Variants in NRN1 observed in about 807,000 individuals in gnomAD.
The protein encoded by NRN1 is neuritin 1.
Under a neutral mutation model 15.0 loss-of-function variants are expected in NRN1, and 4 were observed. The observed-to-expected ratio is 0.27, with a 90% CI of 0.13 to 0.61. The LOEUF (loss-of-function observed/expected upper bound fraction) is 0.61. NRN1 is among the 20% of genes least tolerant of loss of function. The pLI, the probability that NRN1 is intolerant of heterozygous loss-of-function variation, is 0.87. For synonymous variants in NRN1, 85 were observed against 79.8 expected, an observed-to-expected ratio of 1.07 and a Z score of -0.35; for missense variants, 134 against 181.9, an observed-to-expected ratio of 0.74 and a Z score of 1.51.
intron 1 of NRN1, 140 bp downstream of exon 1, chr6:6,006,555 C>A (rs1758115020): frequency 2.7e-6 from 2 of 736,238 alleles, no homozygotes; most frequent in African/African-American, 3.5e-5. Context: ...TCCCCAGGAA[C>A]TGATGCCCCC....
chr6:6,005,134 T>C (rs986238708), intron 1 of NRN1, among the ~76,000 whole-genome samples: 1 of 152,114 alleles, frequency 6.6e-6, no homozygotes, highest in South Asian at 2.1e-4. Flanking sequence ...GTCTTTTTTT[T>C]CCCTCCAAAC....
intron 1 of NRN1, chr6:6,003,331 C>T: frequency 9.4e-7 from 1 of 1,060,668 alleles, no homozygotes; most frequent in Non-Finnish European, 1.2e-6. Context: ...CCTGGGTCAC[C>T]TCCGCAAAGG....
chr6:6,006,950 A>C, upstream of NRN1: 1 of 132,480 alleles, frequency 7.5e-6, no homozygotes, highest in East Asian at 2.7e-4. Context: ...AGAGAGAGAG[A>C]GAGAGAGGCT....
At chr6:6,005,909 G>A (rs1758098766) in intron 1 of NRN1, among the ~76,000 whole-genome samples, 1 of 152,002 alleles carries the variant, frequency 6.6e-6, no homozygotes, top group South Asian at 2.1e-4. Context: ...CATAAAATGG[G>A]GACTAAATAA....
At position 6,006,878 on chromosome 6, in the gene NRN1, G is replaced by A. The variant is rs1435961937; in HGVS notation, c.-129C>T. 2.9e-6 allele frequency: 2 copies of A among 693,786 alleles called. No homozygotes were observed. The highest frequency in any genetic ancestry group is 1.5e-5 in the South Asian group (1 of 65,412). 43.0% of individuals were successfully genotyped at this position (693,786 alleles called of 1,614,324 possible). ...CGACAGAGACTTTATGCACTGGGAA[G>A]GCAGAGGGAGGAGAGAAAGAGAGGG... On this transcript the variant is annotated 5_prime_UTR_variant, in exon 1 of 3. Transcript: ENST00000244766.
Position 6,006,631 on chromosome 6 carries a change from C to A in NRN1, c.55+64G>T. ...CCGCGGACCCGCTAGTCCCCCTCCG[C>A]GCCTCGGGCCGGGGCAGGCTGCCTC... On this transcript the variant is annotated intron_variant, in intron 1 of 2. Transcript: ENST00000244766. The A allele has an allele frequency of 2.6e-6, 4 of 1,530,642 alleles. No individual in the cohort carries two copies. The South Asian group carries it at 3.4e-5, about 13-fold the overall frequency. The allele number at this position is 1,530,642 out of a possible 1,614,324, so 94.8% of individuals were successfully genotyped here.
upstream of NRN1, among the ~76,000 whole-genome samples, chr6:6,007,173 G>T (rs1284086029): frequency 6.6e-6 from 1 of 152,054 alleles, no homozygotes; most frequent in Non-Finnish European, 1.5e-5. Context: ...ACGAAATTTT[G>T]CCTCCCGGGG....
At chr6:6,003,015 C>G (rs975237064) in intron 1 of NRN1, 6 of 448,174 alleles carry the variant, frequency 1.3e-5, no homozygotes, top group Non-Finnish European at 2.2e-5. Context: ...CGCAGCTGAA[C>G]CCAACGCCAC....
intron 1 of NRN1, 68 bp from the exon 2 acceptor site, chr6:6,002,565 G>A (rs1582992662): frequency 1.3e-6 from 2 of 1,566,208 alleles, no homozygotes; most frequent in East Asian, 4.5e-5. Context: ...GCCCTTTCCT[G>A]CGAGACCCTG....
intron 1 of NRN1, among the ~76,000 whole-genome samples, chr6:6,005,043 A>T (rs1224212965): frequency 6.6e-6 from 1 of 152,052 alleles, no homozygotes; most frequent in Non-Finnish European, 1.5e-5. Flanking sequence ...AATACGTTCA[A>T]TTTCAATTCC....
chr6:6,006,392 C>T (rs183121496), intron 1 of NRN1, among the ~76,000 whole-genome samples: 26 of 152,306 alleles, frequency 1.7e-4, no homozygotes, highest in African/African-American at 5.8e-4. Context: ...GCGCACCAAA[C>T]CTGGTATAAA....
rs35560260 is a variant in NRN1 at position 6,006,581 on chromosome 6, C to G, written c.55+114G>C. ...TGATGCCCCCACCCTCGGGGGATTG[C>G]CGGCTTCTCCGCACCCTGGGGCGGC... is the stretch of plus-strand genomic sequence containing the variant. On this transcript the variant is annotated intron_variant, in intron 1 of 2. Coordinates refer to ENST00000244766, the MANE Select transcript of NRN1 (RefSeq NM_016588.3). 8,892 of 935,676 alleles carry G rather than the reference C, an allele frequency of 9.5e-3. 64 individuals are homozygous for G. The highest frequency in any genetic ancestry group is 0.019 in the Middle Eastern group (60 of 3,118). The allele number at this position is 935,676 out of a possible 1,614,324, so 58.0% of individuals were successfully genotyped here. A position where few individuals can be genotyped will look rare whatever the true frequency, so the allele number is the denominator to read the frequency against.
intron 1 of NRN1, among the ~76,000 whole-genome samples, chr6:6,003,470 G>A (rs1293311734): frequency 6.6e-6 from 1 of 152,232 alleles, no homozygotes; most frequent in Admixed American, 6.5e-5. Context: ...GCGGGGAGAG[G>A]CTGTTCTTCT....
intron 2 of NRN1, 69 bp downstream of exon 2, chr6:6,002,284 G>A: frequency 4.5e-6 from 7 of 1,563,780 alleles, no homozygotes; most frequent in African/African-American, 1.3e-5. Context: ...CAGGCGGGGA[G>A]GCTCGGCACT....
chr6:6,006,721 ATATATC>A lies in NRN1; in HGVS notation c.23_28del (p.Arg8_Tyr9del), dbSNP rs777921660. 1 of 1,614,116 alleles carries A rather than the reference ATATATC, an allele frequency of 6.2e-7. No homozygotes were observed. Among genetic ancestry groups the A allele is most frequent in the Non-Finnish European group, 8.5e-7 (1 of 1,179,968 alleles). On this transcript the variant is annotated inframe_deletion, in exon 1 of 3. Coordinates refer to ENST00000244766, the MANE Select transcript of NRN1 (RefSeq NM_016588.3). ...TATTTGCACCGCGAGGATCAGTGAA[ATATATC>A]TGCCGTTCAACTTAAGTCCCATCCT...
At chr6:6,000,004 G>T (rs931778968) in intron 2 of NRN1, among the ~76,000 whole-genome samples, 3 of 152,142 alleles carry the variant, frequency 2.0e-5, no homozygotes, top group Admixed American at 1.3e-4. Context: ...ATCTGCTCTT[G>T]CGAATCCAAG....
At chr6:5,999,339 ACCG>A in intron 2 of NRN1, 135 bp from the exon 3 acceptor site, 1 of 703,008 alleles carries the variant, frequency 1.4e-6, no homozygotes, top group Middle Eastern at 3.9e-4. Flanking sequence ...CCTTCTCTTC[ACCG>A]CCCTGGCGCC....
intron 1 of NRN1, chr6:6,003,378 TC>T: frequency 1.7e-6 from 1 of 605,094 alleles, no homozygotes. Flanking sequence ...TCTCTCCTCC[TC>T]CCCTGTCCGC....
upstream of NRN1, chr6:6,007,410 G>A (rs1435706143): frequency 1.3e-5 from 2 of 152,228 alleles, no homozygotes; most frequent in Non-Finnish European, 2.9e-5. Context: ...TAAAGGAGCG[G>A]GAGAGGGAAA....
Sources: allele counts gnomAD v4.1 joint callset (sites outside exome capture counted in the v4.1 genomes callset), GRCh38; gene constraint gnomAD v4.1.1; transcripts MANE v1.5; gene names NCBI Gene and HGNC (gene_info 2026-07-23, HGNC 2026-07-21).